Variants in KSR2 observed in about 807,000 individuals in gnomAD.
KSR2 encodes kinase suppressor of ras 2.
In KSR2, 25 loss-of-function variants were observed where a neutral mutation model predicts 107.8. That is an observed-to-expected ratio of 0.23 (90% CI 0.17 to 0.32). KSR2 has a LOEUF of 0.32. KSR2 is among the 10% of genes least tolerant of loss of function. The pLI is 1.00. For missense variants in KSR2, 887 were observed against 1,268.9 expected (o/e 0.70, Z 4.57); for synonymous variants, 480 against 507.0 (o/e 0.95, Z 0.71).
intron 10 of KSR2, 130 bp from the exon 11 acceptor site, chr12:117,531,837 A>G: frequency 1.7e-6 from 1 of 604,282 alleles, no homozygotes. Context: ...ACTTCTGCAG[A>G]CATCCCTGCA....
chr12:117,518,760 A>T (rs1406818281), intron 14 of KSR2, among the ~76,000 whole-genome samples: 1 of 152,076 alleles, frequency 6.6e-6, no homozygotes, highest in African/African-American at 2.4e-5. Flanking sequence ...TACCAATCTC[A>T]TACCTACCCC....
chr12:117,467,816 T>C (rs1378207759), intron 19 of KSR2: 4 of 417,724 alleles, frequency 9.6e-6, no homozygotes, highest in South Asian at 5.1e-5. Context: ...AGATGTTCAG[T>C]ACACATAGGC....
At chr12:117,817,630 T>C (rs1407506118) in intron 3 of KSR2, among the ~76,000 whole-genome samples, 1 of 152,128 alleles carries the variant, frequency 6.6e-6, no homozygotes, top group African/African-American at 2.4e-5. Flanking sequence ...AATATAATAT[T>C]ATTAACTCTT....
intron 2 of KSR2, among the ~76,000 whole-genome samples, chr12:117,856,756 T>G (rs749100799): frequency 2.6e-5 from 4 of 152,066 alleles, no homozygotes; most frequent in Non-Finnish European, 5.9e-5. Flanking sequence ...AAGGGTGAAA[T>G]AGCCTACGGA....
intron 14 of KSR2, among the ~76,000 whole-genome samples, chr12:117,496,654 C>G (rs1053079579): frequency 3.9e-5 from 6 of 152,076 alleles, no homozygotes; most frequent in Non-Finnish European, 7.4e-5. Flanking sequence ...AGCTAGAATC[C>G]CTAGCCCCAG....
chr12:117,535,008 T>A (rs901365549), intron 10 of KSR2, among the ~76,000 whole-genome samples: 31 of 152,246 alleles, frequency 2.0e-4, no homozygotes, highest in African/African-American at 7.0e-4. Flanking sequence ...AACCATAAGA[T>A]AATAAACCTG....
chr12:117,503,654 T>C (rs1358749945), intron 14 of KSR2, among the ~76,000 whole-genome samples: 2 of 152,180 alleles, frequency 1.3e-5, no homozygotes, highest in Non-Finnish European at 2.9e-5. Flanking sequence ...GAGAAATAAA[T>C]GTTCACAGAG....
chr12:117,823,130 A>AAAAAAAAC (rs35002501), intron 3 of KSR2, among the ~76,000 whole-genome samples: 1 of 150,218 alleles, frequency 6.7e-6, no homozygotes. Flanking sequence ...AAAAAAAAAA[A>AAAAAAAAC]GTGTGGCTGG....
chr12:117,508,788 C>T (rs541129185), intron 14 of KSR2, among the ~76,000 whole-genome samples: 1 of 149,374 alleles, frequency 6.7e-6, no homozygotes, highest in Non-Finnish European at 1.5e-5. Flanking sequence ...GGATGGGTGG[C>T]TGGATAGGTG....
chr12:117,693,812 CA>C (rs1885932857), intron 4 of KSR2, among the ~76,000 whole-genome samples: 1 of 152,182 alleles, frequency 6.6e-6, no homozygotes, highest in East Asian at 1.9e-4. Context: ...ACCTGCGGCT[CA>C]CAGGGGAGAC....
At chr12:117,531,067 G>T in intron 11 of KSR2, 54 bp from the exon 12 acceptor site, 1 of 1,431,064 alleles carries the variant, frequency 7.0e-7, no homozygotes, top group South Asian at 1.2e-5. Flanking sequence ...CACAACCCCC[G>T]CAAAGGCCTG....
chr12:117,624,651 G>A (rs1882371317), intron 5 of KSR2, among the ~76,000 whole-genome samples: 3 of 152,166 alleles, frequency 2.0e-5, no homozygotes, highest in Admixed American at 1.3e-4. Context: ...GTAGCGTGAT[G>A]CCTCCAGCTT....
At chr12:117,614,008 G>A (rs1881740682) in intron 5 of KSR2, among the ~76,000 whole-genome samples, 1 of 152,206 alleles carries the variant, frequency 6.6e-6, no homozygotes, top group Non-Finnish European at 1.5e-5. Flanking sequence ...GTGGTGCTGA[G>A]ACAGTGAAAA....
rs920762157 is a variant in KSR2, at chr12:117,460,563, C to A, written c.*6636G>T. 1.3e-5 allele frequency: 2 copies of A among 152,228 alleles called. No homozygotes were observed. Among genetic ancestry groups the A allele is most frequent in the African/African-American group, 4.8e-5 (2 of 41,450 alleles). The allele number at this position is 152,228 out of a possible 1,614,324, so 9.4% of individuals were successfully genotyped here. On this transcript the variant is annotated 3_prime_UTR_variant, in exon 20 of 20. Coordinates refer to ENST00000339824, the MANE Select transcript of KSR2 (RefSeq NM_173598.6). ...AAGTTCAAGCTTCCGTGCAAACTCC[C>A]AGTATGGTCCCTGCCAGCCCCTGCA...
chr12:117,553,876 G>A (rs779875510), intron 9 of KSR2, among the ~76,000 whole-genome samples: 5 of 145,980 alleles, frequency 3.4e-5, no homozygotes, highest in East Asian at 2.0e-4. Flanking sequence ...TCTCATGCAC[G>A]TTTCCTTCCT....
chr12:117,763,221 C>T (rs1375819005), intron 3 of KSR2, among the ~76,000 whole-genome samples: 2 of 151,782 alleles, frequency 1.3e-5, no homozygotes, highest in Non-Finnish European at 2.9e-5. Flanking sequence ...GACATGAACT[C>T]ATCATTTTTT....
At chr12:117,689,562 T>C (rs1439172803) in intron 4 of KSR2, among the ~76,000 whole-genome samples, 3 of 152,120 alleles carry the variant, frequency 2.0e-5, no homozygotes, top group African/African-American at 7.2e-5. Flanking sequence ...AAACTTTATT[T>C]ACAAAAACAG....
intron 12 of KSR2, among the ~76,000 whole-genome samples, chr12:117,528,070 G>T (rs1378270923): frequency 6.6e-6 from 1 of 151,950 alleles, no homozygotes; most frequent in South Asian, 2.1e-4. Flanking sequence ...TGCTGGCGGG[G>T]CGTCACAATT....
intron 11 of KSR2, among the ~76,000 whole-genome samples, chr12:117,531,242 C>T (rs1188280676): frequency 6.6e-6 from 1 of 152,140 alleles, no homozygotes; most frequent in Non-Finnish European, 1.5e-5. Flanking sequence ...TAGGGGGCTG[C>T]CAGAACCCTC....
Sources: allele counts gnomAD v4.1 joint callset (sites outside exome capture counted in the v4.1 genomes callset), GRCh38; gene constraint gnomAD v4.1.1; transcripts MANE v1.5; gene names NCBI Gene and HGNC (gene_info 2026-07-23, HGNC 2026-07-21).